Variants in EXOC1 observed in about 807,000 individuals in gnomAD.
The protein encoded by EXOC1 is SEC3-like 1.
EXOC1 carries 67 observed loss-of-function variants against 107.7 expected under a neutral mutation model. The observed-to-expected ratio is 0.62, with a 90% CI of 0.51 to 0.76. The LOEUF is 0.76. Among genes scored for constraint, EXOC1 ranks in the 30% least tolerant of loss-of-function variants. EXOC1 has a pLI of 0.00. For synonymous variants in EXOC1, 348 were observed against 353.5 expected (o/e 0.98, Z 0.17); for missense variants, 833 against 1,055.7 (o/e 0.79, Z 2.92).
chr4:55,899,960 A>G lies in EXOC1; in HGVS notation c.2337+76A>G. 2.4e-6 allele frequency: 3 copies of G among 1,274,810 alleles called. No homozygotes were observed. In the South Asian group the frequency reaches 4.6e-5, roughly 19 times the overall value. 79.0% of individuals were successfully genotyped at this position (1,274,810 alleles called of 1,614,324 possible). On this transcript the variant is annotated intron_variant, in intron 17 of 18. Transcript: ENST00000381295. The stretch of plus-strand genomic sequence containing the variant: ...AAGTTTGCATATGAATAACCTGCAG[A>G]CATTTATCTTAAATTTTCTCATGTG...
At position 55,858,170 on chromosome 4, in the gene EXOC1, A is replaced by G. The variant is rs950943761; in HGVS notation, c.-10-144A>G. 3.4e-5 allele frequency: 21 copies of G among 618,726 alleles called. No homozygotes were observed. The Admixed American group carries it at 8.3e-4, about 24-fold the overall frequency. The allele number at this position is 618,726 out of a possible 1,614,324, so 38.3% of individuals were successfully genotyped here. A position where few individuals can be genotyped will look rare whatever the true frequency, so the allele number is the denominator to read the frequency against. On this transcript the variant is annotated intron_variant, in intron 1 of 18. Coordinates refer to ENST00000381295, the MANE Select transcript of EXOC1 (RefSeq NM_001024924.2). ...TTTATTTCCAAACTTACAGCTTTGTATTTTTGTGATATAGGTGTATTCATA... is the reference window on the plus strand; with the variant it reads ...TTTATTTCCAAACTTACAGCTTTGTGTTTTTGTGATATAGGTGTATTCATA...
intron 15 of EXOC1, among the ~76,000 whole-genome samples, chr4:55,894,614 C>CTTTTTTTTTTTTTTTTTTT (rs772700227): frequency 5.3e-5 from 4 of 76,116 alleles, no homozygotes; most frequent in East Asian, 4.7e-4. Flanking sequence ...CTATCTGTTA[C>CTTTTTTTTTTTTTTTTTTT]TTTTTTTTTT....
At chr4:55,887,546 A>G (rs1577742774) in intron 10 of EXOC1, among the ~76,000 whole-genome samples, 1 of 152,156 alleles carries the variant, frequency 6.6e-6, no homozygotes, top group Non-Finnish European at 1.5e-5. Flanking sequence ...TGAACCTCAA[A>G]TTATAATTAA....
chr4:55,896,789 G>A lies in EXOC1; in HGVS notation c.2026G>A (p.Ala676Thr). Residue 676 changes from alanine to threonine, a missense_variant, in exon 16 of 19, where the codon GCT becomes ACT. Around this residue, in one of 2 missense-constraint regions of EXOC1, gnomAD observed 216 missense variants for 354.4 expected, o/e 0.61. Transcript: ENST00000381295. ...KSKVGILPFV[A>T]EFEEFAGLAE... is the part of the protein sequence containing the mutation. ...TAAAGTTGGAATTCTTCCATTTGTT[G>A]CTGAATTTGAAGAATTTGCTGGACT... 3 of 1,611,594 alleles carry A rather than the reference G, an allele frequency of 1.9e-6. No individual in the cohort carries two copies. Among genetic ancestry groups the A allele is most frequent in the South Asian group, 1.1e-5 (1 of 90,328 alleles).
At chr4:55,858,472 C>T (rs755347927) in intron 2 of EXOC1, 25 bp downstream of exon 2, 5 of 1,556,202 alleles carry the variant, frequency 3.2e-6, no homozygotes, top group Non-Finnish European at 3.5e-6. Context: ...AGAAAGAGTA[C>T]TTGTTTTGTA....
intron 8 of EXOC1, chr4:55,875,952 G>C (rs1722857962): frequency 6.4e-6 from 6 of 938,590 alleles, no homozygotes; most frequent in African/African-American, 1.8e-5. Flanking sequence ...GACATTTATA[G>C]ACCTAAAACT....
At chr4:55,893,056 A>G (rs1243736396) in intron 14 of EXOC1, among the ~76,000 whole-genome samples, 1 of 152,206 alleles carries the variant, frequency 6.6e-6, no homozygotes, top group Non-Finnish European at 1.5e-5. Flanking sequence ...ACCCAACATC[A>G]GTAAAATATT....
Position 55,903,037 on chromosome 4 carries a change from G to A in EXOC1, c.2532+499G>A, listed in dbSNP as rs142478511. On this transcript the variant is annotated intron_variant, in intron 18 of 18. Coordinates refer to ENST00000381295, the MANE Select transcript of EXOC1 (RefSeq NM_001024924.2). ...CACGTGCCTGTAGTCCCAGCTACTC[G>A]GGAAGCTGAGGCAGGAGGATCACTT... Among the ~76,000 whole-genome samples the A allele has an allele frequency of 6.2e-3, 944 of 151,612 alleles. 7 individuals are homozygous for A. Among genetic ancestry groups the A allele is most frequent in the Non-Finnish European group, 9.0e-3 (610 of 67,890 alleles).
intron 5 of EXOC1, 109 bp downstream of exon 5, chr4:55,868,632 C>A: frequency 2.3e-6 from 2 of 871,290 alleles, no homozygotes; most frequent in Non-Finnish European, 3.4e-6. Context: ...TGTGTTATTG[C>A]CATCTTTATC....
At chr4:55,882,145 C>T (rs377283672) in intron 9 of EXOC1, among the ~76,000 whole-genome samples, 43 of 151,694 alleles carry the variant, frequency 2.8e-4, no homozygotes, top group Middle Eastern at 3.4e-3. Flanking sequence ...TTTTTGTTTT[C>T]GTTTTTGTTT....
intron 1 of EXOC1, among the ~76,000 whole-genome samples, chr4:55,856,045 G>A (rs1187233648): frequency 1.3e-5 from 2 of 152,156 alleles, no homozygotes; most frequent in Admixed American, 6.5e-5. Flanking sequence ...AACTGAAGGA[G>A]AGTAATAAGG....
Position 55,872,015 on chromosome 4 carries a change from C to A in EXOC1, c.1074+57C>A. Reference sequence around the variant, plus strand: ...TTCCTATAGCTTATTTATGTATTAACCTTACATTTCCACAAAAATGTTAAT... The same window carrying A: ...TTCCTATAGCTTATTTATGTATTAAACTTACATTTCCACAAAAATGTTAAT... On this transcript the variant is annotated intron_variant, in intron 8 of 18. Coordinates refer to ENST00000381295, the MANE Select transcript of EXOC1 (RefSeq NM_001024924.2). The A allele has an allele frequency of 5.0e-6, 7 of 1,413,420 alleles. No individual in the cohort carries two copies. The South Asian group carries it at 7.5e-5, about 15-fold the overall frequency. 87.6% of individuals were successfully genotyped at this position (1,413,420 alleles called of 1,614,324 possible).
intron 1 of EXOC1, among the ~76,000 whole-genome samples, chr4:55,856,111 T>C (rs1167203639): frequency 1.3e-5 from 2 of 152,230 alleles, no homozygotes; most frequent in African/African-American, 4.8e-5. Flanking sequence ...GAGGGATTAA[T>C]TGCCGAGCAG....
chr4:55,871,602 C>T (rs957615784), intron 7 of EXOC1, among the ~76,000 whole-genome samples: 7 of 152,164 alleles, frequency 4.6e-5, no homozygotes, highest in Non-Finnish European at 8.8e-5. Context: ...GTCCCAGATT[C>T]AGCAGATCTG....
At chr4:55,860,573 C>T in intron 3 of EXOC1, 32 bp downstream of exon 3, 1 of 1,609,646 alleles carries the variant, frequency 6.2e-7, no homozygotes, top group Non-Finnish European at 8.5e-7. Context: ...GACCTGTGTT[C>T]AGAAAGCATC....
intron 15 of EXOC1, among the ~76,000 whole-genome samples, chr4:55,894,779 C>T (rs1050760844): frequency 1.3e-5 from 2 of 151,898 alleles, no homozygotes; most frequent in East Asian, 1.9e-4. Context: ...TGCGCCACCA[C>T]GCCCTGCTAG....
chr4:55,866,276 A>G (rs1721950436), intron 4 of EXOC1, among the ~76,000 whole-genome samples: 1 of 152,230 alleles, frequency 6.6e-6, no homozygotes, highest in African/African-American at 2.4e-5. Flanking sequence ...GGTTTGTAAA[A>G]GAGGACTTTT....
intron 11 of EXOC1, among the ~76,000 whole-genome samples, chr4:55,889,577 A>G (rs1211059506): frequency 1.3e-5 from 2 of 152,168 alleles, no homozygotes; most frequent in African/African-American, 4.8e-5. Context: ...TTTTAAATAT[A>G]ACGAGTTTTC....
chr4:55,895,504 A>G (rs1201996623), intron 15 of EXOC1, among the ~76,000 whole-genome samples: 2 of 152,236 alleles, frequency 1.3e-5, no homozygotes, highest in African/African-American at 4.8e-5. Context: ...ATAACTGACT[A>G]TACTCTTAGG....
Sources: gnomAD v4.1 joint callset for allele counts (sites outside exome capture counted in the v4.1 genomes callset) on GRCh38, gnomAD v4.1.1 for gene constraint, gnomAD v4.1.1 regional missense constraint, MANE v1.5 for transcripts, NCBI Gene and HGNC (gene_info 2026-07-23, HGNC 2026-07-21) for gene names.